Variants in SFI1 observed in about 807,000 individuals in gnomAD.
SFI1 encodes protein SFI1 homolog.
A neutral mutation model predicts 207.5 loss-of-function variants in SFI1; 195 were observed. The observed-to-expected ratio is 0.94, with a 90% CI of 0.84 to 1.06. SFI1 has a LOEUF of 1.06. Among genes scored for constraint, SFI1 ranks in the 50% least tolerant of loss-of-function variants. SFI1 has a pLI of 0.00. For synonymous variants in SFI1, 630 were observed against 598.9 expected (o/e 1.05, Z -0.76); for missense variants, 1,634 against 1,588.0 (o/e 1.03, Z -0.49).
Position 31,531,103 on chromosome 22 carries a change from T to G in SFI1, c.312T>G (p.Phe104Leu). The change falls in exon 4 of 33, where the codon TTT (phenylalanine) becomes TTG (leucine). Residue 104 changes from phenylalanine (F) to leucine (L), a missense_variant. Transcript: ENST00000400288. ...TATATTTATGGATTCGAATGACTTT[T>G]GGAAGAGTATTTCCCTCTAAAGCCA... ...KFLYLWIRMT[F>L]GRVFPSKARF... 1.2e-6 allele frequency: 2 copies of G among 1,613,738 alleles called. No homozygotes were observed. Among genetic ancestry groups the G allele is most frequent in the Non-Finnish European group, 1.7e-6 (2 of 1,179,846 alleles).
In SFI1 at chr22:31,612,788, T is replaced by G. The variant is rs949135475; in HGVS notation, c.2491-354T>G. ...GTGTTTTAAGGCTTTGCTGGGATCT[T>G]GCTTTTTAAAAAGCCAAGAGGGATC... is the stretch of plus-strand genomic sequence containing the variant. On this transcript the variant is annotated intron_variant, in intron 24 of 32. Transcript: ENST00000400288. The G allele has an allele frequency of 1.2e-5, 3 of 242,054 alleles. No individual in the cohort carries two copies. The Admixed American group carries it at 1.5e-4, about 12-fold the overall frequency. 15.0% of individuals were successfully genotyped at this position (242,054 alleles called of 1,614,324 possible). A position where few individuals can be genotyped will look rare whatever the true frequency, so the allele number is the denominator to read the frequency against.
At chr22:31,525,038 A>C (rs2057748328) in intron 2 of SFI1, among the ~76,000 whole-genome samples, 1 of 151,568 alleles carries the variant, frequency 6.6e-6, no homozygotes, top group Non-Finnish European at 1.5e-5. Context: ...AAGTGATCTG[A>C]CTGCCTTGGC....
At chr22:31,617,505 G>A (rs1441238095) in intron 31 of SFI1, among the ~76,000 whole-genome samples, 6 of 152,098 alleles carry the variant, frequency 3.9e-5, no homozygotes, top group Non-Finnish European at 8.8e-5. Flanking sequence ...GGCAGATCAC[G>A]GGGTTAGGAG....
chr22:31,530,515 A>AAAAAAAC, intron 3 of SFI1: 1 of 331,240 alleles, frequency 3.0e-6, no homozygotes, highest in Non-Finnish European at 6.3e-6. Flanking sequence ...AAAAAAAAAG[A>AAAAAAAC]CAAGCCACCT....
chr22:31,524,091 A>G (rs1293401145), intron 2 of SFI1, among the ~76,000 whole-genome samples: 1 of 151,884 alleles, frequency 6.6e-6, no homozygotes. Flanking sequence ...AGTCCCACCT[A>G]CTTGGGAGAC....
intron 2 of SFI1, among the ~76,000 whole-genome samples, chr22:31,513,561 C>CGTTTCGTTTTGTTTTGTTTT (rs1555942775): frequency 6.8e-6 from 1 of 146,132 alleles, no homozygotes; most frequent in African/African-American, 2.5e-5. Context: ...TTTGGTTTTT[C>CGTTTCGTTTTGTTTTGTTTT]GTTTTGTTTT....
intron 14 of SFI1, among the ~76,000 whole-genome samples, chr22:31,589,216 G>A (rs2065474056): frequency 7.6e-6 from 1 of 131,922 alleles, no homozygotes; most frequent in Admixed American, 7.3e-5. Flanking sequence ...GTGTGCGTGT[G>A]TGTGTGTGTG....
intron 15 of SFI1, among the ~76,000 whole-genome samples, chr22:31,591,340 A>G (rs1050084430): frequency 2.6e-5 from 4 of 152,208 alleles, no homozygotes; most frequent in African/African-American, 9.6e-5. Context: ...AGTGCAGAAC[A>G]AAATGAAAAG....
At chr22:31,513,645 T>C (rs1464751356) in intron 2 of SFI1, among the ~76,000 whole-genome samples, 1 of 151,846 alleles carries the variant, frequency 6.6e-6, no homozygotes, top group South Asian at 2.1e-4. Context: ...TGGTGCGATC[T>C]CAGCTCACTG....
chr22:31,582,206 T>TTATATATATA (rs1569376532), intron 12 of SFI1, among the ~76,000 whole-genome samples: 19 of 36,608 alleles, frequency 5.2e-4, no homozygotes, highest in African/African-American at 2.0e-3. Flanking sequence ...TTATTACATT[T>TTATATATATA]TATATATATA....
chr22:31,617,973 G>A, intron 31 of SFI1, 142 bp from the exon 32 acceptor site: 4 of 862,664 alleles, frequency 4.6e-6, no homozygotes, highest in Non-Finnish European at 7.0e-6. Flanking sequence ...GCAGGGGCCT[G>A]CAGTTCAGGT....
intron 4 of SFI1, among the ~76,000 whole-genome samples, chr22:31,540,048 T>A (rs1350826139): frequency 6.6e-6 from 1 of 151,716 alleles, no homozygotes; most frequent in Non-Finnish European, 1.5e-5. Flanking sequence ...TGAAGACTTA[T>A]AACTTGAAGG....
intron 2 of SFI1, among the ~76,000 whole-genome samples, chr22:31,515,200 A>G (rs1214877392): frequency 6.6e-6 from 1 of 152,010 alleles, no homozygotes; most frequent in African/African-American, 2.4e-5. Flanking sequence ...GGAATCTTCA[A>G]TTTTGCTAGA....
chr22:31,507,164 A>T (rs1380076768), intron 1 of SFI1, among the ~76,000 whole-genome samples: 2 of 152,182 alleles, frequency 1.3e-5, no homozygotes, highest in African/African-American at 4.8e-5. Context: ...AGAAACATAG[A>T]CTAATGGAAC....
intron 4 of SFI1, among the ~76,000 whole-genome samples, chr22:31,536,226 C>G (rs2144387): frequency 0.87 from 131,875 of 151,938 alleles, 57,280 homozygotes; most frequent in East Asian, 0.98. Flanking sequence ...TGTGAGCCCT[C>G]GTGCTGGAGA....
intron 23 of SFI1, among the ~76,000 whole-genome samples, chr22:31,611,513 G>A (rs2147257996): frequency 6.6e-6 from 1 of 152,346 alleles, no homozygotes; most frequent in African/African-American, 2.4e-5. Context: ...CCAGAATCCA[G>A]TGTCTCCCAG....
At chr22:31,500,965 A>G (rs546392097) in intron 1 of SFI1, among the ~76,000 whole-genome samples, 14 of 150,372 alleles carry the variant, frequency 9.3e-5, no homozygotes, top group Admixed American at 2.7e-4. Flanking sequence ...ACCACCAGCT[A>G]ATTTTTGTAT....
In SFI1 at chr22:31,615,221, A is replaced by AGCT. The variant is rs763599559; in HGVS notation, c.3254_3256dup (p.Leu1085dup). On this transcript the variant is annotated inframe_insertion, in exon 29 of 33. Coordinates refer to ENST00000400288, the MANE Select transcript of SFI1 (RefSeq NM_001007467.3). The stretch of plus-strand genomic sequence containing the variant: ...CCCCCGACGGCAAGCACAGGCCCGG[A>AGCT]GCTGCTGCTGCTGCCTCTTTCCTCC... 15 of 1,552,482 alleles carry AGCT rather than the reference A, an allele frequency of 9.7e-6. No homozygotes were observed. Among genetic ancestry groups the AGCT allele is most frequent in the East Asian group, 6.8e-5 (3 of 44,378 alleles).
intron 4 of SFI1, among the ~76,000 whole-genome samples, chr22:31,542,975 C>CTT (rs377269654): frequency 3.1e-4 from 39 of 124,838 alleles, no homozygotes; most frequent in East Asian, 7.3e-4. Flanking sequence ...TTTTTTTTTT[C>CTT]TTTTTTTTTT....
Sources: gnomAD v4.1 joint callset for allele counts (sites outside exome capture counted in the v4.1 genomes callset) on GRCh38, gnomAD v4.1.1 for gene constraint, MANE v1.5 for transcripts, NCBI Gene and HGNC (gene_info 2026-07-23, HGNC 2026-07-21) for gene names.